The following GPRASP3 variants were observed in gnomAD, a reference collection of about 807,000 sequenced individuals.
GPRASP3 encodes the protein G protein-coupled receptor associated sorting protein 3.
the GPRASP3 span, among the ~76,000 whole-genome samples, chrX:102,731,304 C>T: frequency 8.9e-6 from 1 of 112,131 alleles, no homozygotes; most frequent in African/African-American, 3.2e-5. Context: ...AGGCAAATTT[C>T]AGAGCAGGAG....
At chrX:102,745,329 G>A in the GPRASP3 span, among the ~76,000 whole-genome samples, 2 of 111,831 alleles carry the variant, frequency 1.8e-5, no homozygotes, top group Non-Finnish European at 3.8e-5. Flanking sequence ...GTCTGGTACA[G>A]ACCAGTGGTT....
At chrX:102,725,675 C>A in the GPRASP3 span, among the ~76,000 whole-genome samples, 2 of 111,095 alleles carry the variant, frequency 1.8e-5, no homozygotes, top group Non-Finnish European at 3.8e-5. Flanking sequence ...TACAGGCACA[C>A]ACCACTGATT....
the GPRASP3 span, among the ~76,000 whole-genome samples, chrX:102,737,250 C>G: frequency 8.9e-6 from 1 of 112,325 alleles, no homozygotes; most frequent in South Asian, 3.6e-4. Context: ...CCTTTTAAAT[C>G]TCTTATTACT....
the GPRASP3 span, among the ~76,000 whole-genome samples, chrX:102,721,843 G>C: frequency 3.6e-3 from 400 of 111,248 alleles, 5 homozygotes; most frequent in African/African-American, 0.013. Context: ...CTTAGGATGT[G>C]TTTCTTTGGT....
At chrX:102,737,628 C>T in the GPRASP3 span, among the ~76,000 whole-genome samples, 1 of 111,398 alleles carries the variant, frequency 9.0e-6, no homozygotes, top group Non-Finnish European at 1.9e-5. Context: ...GCAGCCCTAG[C>T]GACCCTGCTT....
At chrX:102,730,182 G>A in the GPRASP3 span, among the ~76,000 whole-genome samples, 1 of 112,011 alleles carries the variant, frequency 8.9e-6, no homozygotes, top group Admixed American at 9.4e-5. Context: ...AGATCATCAG[G>A]CATTAGATTC....
At chrX:102,749,464 G>A in the GPRASP3 span, 1 of 1,211,908 alleles carries the variant, frequency 8.3e-7, no homozygotes, top group East Asian at 3.0e-5. Context: ...TGCGGCTGGG[G>A]CCGATTGCAA....
At chrX:102,721,538 C>T in the GPRASP3 span, among the ~76,000 whole-genome samples, 4 of 111,149 alleles carry the variant, frequency 3.6e-5, no homozygotes, top group East Asian at 8.6e-4. Context: ...GACATAGACT[C>T]GAGGGGAGGA....
At chrX:102,746,491 G>C in the GPRASP3 span, among the ~76,000 whole-genome samples, 38 of 112,864 alleles carry the variant, frequency 3.4e-4, no homozygotes, top group South Asian at 0.012. Flanking sequence ...AAAGGGCTGT[G>C]GGGGAGCTCC....
chrX:102,732,646 T>A, the GPRASP3 span, among the ~76,000 whole-genome samples: 1,064 of 112,360 alleles, frequency 9.5e-3, 46 homozygotes, highest in East Asian at 0.16. Flanking sequence ...GTGATTTTTT[T>A]AAAAATTATG....
the GPRASP3 span, chrX:102,749,559 T>G: frequency 8.3e-7 from 1 of 1,211,661 alleles, no homozygotes; most frequent in Non-Finnish European, 1.1e-6. Context: ...GTTTTGACCC[T>G]AATCCTAAAC....
the GPRASP3 span, among the ~76,000 whole-genome samples, chrX:102,725,529 T>C: frequency 9.6e-6 from 1 of 104,457 alleles, no homozygotes; most frequent in Non-Finnish European, 2.0e-5. Context: ...ACTTGTTTCT[T>C]TTTTTTTTTT....
the GPRASP3 span, among the ~76,000 whole-genome samples, chrX:102,743,537 C>T: frequency 9.0e-6 from 1 of 111,128 alleles, no homozygotes; most frequent in African/African-American, 3.3e-5. Flanking sequence ...ATGGGTTCTT[C>T]CTGCCAGCTG....
chrX:102,749,365 T>A, the GPRASP3 span: 1 of 1,211,868 alleles, frequency 8.3e-7, no homozygotes, highest in Non-Finnish European at 1.1e-6. Context: ...TTCCTGGTTC[T>A]GGAATGGAGA....
chrX:102,740,112 T>C, the GPRASP3 span, among the ~76,000 whole-genome samples: 1 of 112,017 alleles, frequency 8.9e-6, no homozygotes, highest in Non-Finnish European at 1.9e-5. Context: ...AGACATTGCA[T>C]GGTTTTTAGG....
the GPRASP3 span, among the ~76,000 whole-genome samples, chrX:102,737,088 G>A: frequency 2.7e-5 from 3 of 111,694 alleles, no homozygotes; most frequent in African/African-American, 9.8e-5. Context: ...AATAAGAAAA[G>A]CAATTCAGTT....
At chrX:102,724,510 TATCTATCC>T in the GPRASP3 span, among the ~76,000 whole-genome samples, 1 of 111,427 alleles carries the variant, frequency 9.0e-6, no homozygotes, top group Admixed American at 9.6e-5. Flanking sequence ...CTATCTAATC[TATCTATCC>T]ATCTATCCTG....
the GPRASP3 span, among the ~76,000 whole-genome samples, chrX:102,747,405 C>T: frequency 8.9e-6 from 1 of 111,762 alleles, no homozygotes; most frequent in Non-Finnish European, 1.9e-5. Flanking sequence ...AGAACTCCTG[C>T]TGTATAAGCA....
the GPRASP3 span, among the ~76,000 whole-genome samples, chrX:102,728,569 CTT>C: frequency 8.1e-5 from 5 of 61,779 alleles, no homozygotes; most frequent in Non-Finnish European, 5.7e-5. Flanking sequence ...ATGTGCACTG[CTT>C]TTTTTTTTTT....
Sources: allele counts gnomAD v4.1 joint callset (sites outside exome capture counted in the v4.1 genomes callset), GRCh38; gene constraint gnomAD v4.1.1; transcripts MANE v1.5; gene names NCBI Gene and HGNC (gene_info 2026-07-23, HGNC 2026-07-21).